Variants in MSRA observed in about 807,000 individuals in gnomAD.
MSRA encodes the protein methionine sulfoxide reductase A, also known as mitochondrial peptide methionine sulfoxide reductase.
Under a neutral mutation model 31.3 loss-of-function variants are expected in MSRA, and 54 were observed. That is an observed-to-expected ratio of 1.73 (90% CI 1.39 to 2.17). The LOEUF (loss-of-function observed/expected upper bound fraction) is 2.17. Ranked by LOEUF, MSRA falls within the 30% of genes most tolerant of loss-of-function variation. The pLI is 0.00. For synonymous variants in MSRA, 169 were observed against 116.5 expected (o/e 1.45, Z -2.90); for missense variants, 507 against 300.9 (o/e 1.69, Z -5.07).
chr8:10,111,798 A>T (rs1045827715), intron 1 of MSRA, among the ~76,000 whole-genome samples: 1 of 152,146 alleles, frequency 6.6e-6, no homozygotes, highest in Non-Finnish European at 1.5e-5. Context: ...GTAGCATGCT[A>T]TGTGCTGTGA....
At chr8:10,228,821 T>C (rs1015543894) in intron 2 of MSRA, among the ~76,000 whole-genome samples, 2 of 152,176 alleles carry the variant, frequency 1.3e-5, no homozygotes, top group Non-Finnish European at 2.9e-5. Context: ...TATACAGATA[T>C]CAGTGTGTGG....
At chr8:10,352,056 G>T (rs542722900) in intron 5 of MSRA, among the ~76,000 whole-genome samples, 1 of 152,232 alleles carries the variant, frequency 6.6e-6, no homozygotes, top group Non-Finnish European at 1.5e-5. Context: ...AAATATGGGA[G>T]TTTGGAGAAG....
At chr8:10,384,577 G>C (rs968650686) in intron 5 of MSRA, among the ~76,000 whole-genome samples, 11 of 152,238 alleles carry the variant, frequency 7.2e-5, no homozygotes, top group African/African-American at 2.7e-4. Context: ...CTGACACTGA[G>C]CTGGTCTCAA....
intron 3 of MSRA, among the ~76,000 whole-genome samples, chr8:10,291,506 G>A (rs1800235611): frequency 2.0e-5 from 3 of 151,640 alleles, no homozygotes; most frequent in African/African-American, 7.3e-5. Flanking sequence ...TGATGTATTA[G>A]GATTTTTTTT....
chr8:10,405,505 A>AT (rs200812206), intron 5 of MSRA, among the ~76,000 whole-genome samples: 156 of 151,692 alleles, frequency 1.0e-3, no homozygotes, highest in African/African-American at 3.0e-3. Flanking sequence ...CATGCCCGGC[A>AT]TTTTTTTTTC....
chr8:10,407,605 G>A (rs1432127876), intron 5 of MSRA, among the ~76,000 whole-genome samples: 1 of 152,196 alleles, frequency 6.6e-6, no homozygotes, highest in Non-Finnish European at 1.5e-5. Context: ...CTTTGGGAAA[G>A]GAAGGAGAAT....
intron 3 of MSRA, among the ~76,000 whole-genome samples, chr8:10,259,084 G>T (rs1010195571): frequency 4.0e-5 from 6 of 150,532 alleles, no homozygotes; most frequent in African/African-American, 1.5e-4. Context: ...TCCAGCTTGG[G>T]TGACAGAGAC....
chr8:10,133,595 G>C (rs1802055292), intron 1 of MSRA, among the ~76,000 whole-genome samples: 1 of 152,172 alleles, frequency 6.6e-6, no homozygotes, highest in Non-Finnish European at 1.5e-5. Context: ...AACCTGTCCA[G>C]ACCTGAGTTT....
At chr8:10,428,012 G>T (rs1432572461) in intron 5 of MSRA, 136 bp from the exon 6 acceptor site, 7 of 844,152 alleles carry the variant, frequency 8.3e-6, no homozygotes, top group Non-Finnish European at 1.2e-5. Context: ...AATGCGGAGA[G>T]CCCGGCCTAA....
At chr8:10,296,490 C>T (rs139884696) in intron 3 of MSRA, among the ~76,000 whole-genome samples, 44 of 152,326 alleles carry the variant, frequency 2.9e-4, no homozygotes, top group African/African-American at 1.0e-3. Context: ...CACCCGGGAT[C>T]ACAGTCAAAA....
chr8:10,220,228 T>C (rs1306561793), intron 2 of MSRA, among the ~76,000 whole-genome samples: 2 of 152,222 alleles, frequency 1.3e-5, no homozygotes, highest in Admixed American at 6.5e-5. Context: ...CAAAGAATTA[T>C]ATTTGACCAA....
intron 4 of MSRA, among the ~76,000 whole-genome samples, chr8:10,311,905 A>G (rs78216691): frequency 0.026 from 3,910 of 152,340 alleles, 107 homozygotes; most frequent in Admixed American, 0.078. Flanking sequence ...CAACAGAGCA[A>G]GAGCTTGCCT....
intron 5 of MSRA, among the ~76,000 whole-genome samples, chr8:10,358,043 C>T (rs1384650720): frequency 1.3e-5 from 2 of 152,216 alleles, no homozygotes; most frequent in Non-Finnish European, 2.9e-5. Context: ...TTGCCTCAGT[C>T]TCCTGAGTAG....
At chr8:10,062,609 T>C (rs963487453) in intron 1 of MSRA, among the ~76,000 whole-genome samples, 13 of 152,218 alleles carry the variant, frequency 8.5e-5, no homozygotes, top group African/African-American at 1.9e-4. Flanking sequence ...ACGCATGTTA[T>C]GTATTATGGC....
chr8:10,180,663 C>A (rs889587095), intron 1 of MSRA, among the ~76,000 whole-genome samples: 1 of 152,176 alleles, frequency 6.6e-6, no homozygotes, highest in African/African-American at 2.4e-5. Flanking sequence ...GTTTTAGGAG[C>A]GCTGTACCAG....
intron 1 of MSRA, among the ~76,000 whole-genome samples, chr8:10,193,587 C>G (rs754577364): frequency 2.6e-5 from 4 of 152,156 alleles, no homozygotes; most frequent in Non-Finnish European, 5.9e-5. Context: ...GTTTAAAGAG[C>G]CACTACCATC....
At chr8:10,421,161 G>T (rs1165994715) in intron 5 of MSRA, among the ~76,000 whole-genome samples, 1 of 152,156 alleles carries the variant, frequency 6.6e-6, no homozygotes, top group African/African-American at 2.4e-5. Flanking sequence ...GGCTCCTGGG[G>T]CAGGGCGGCA....
intron 1 of MSRA, among the ~76,000 whole-genome samples, chr8:10,057,850 CCT>C (rs1406667653): frequency 6.6e-6 from 1 of 152,224 alleles, no homozygotes; most frequent in African/African-American, 2.4e-5. Flanking sequence ...GCTAATTAAA[CCT>C]CTCTTCTTTA....
intron 3 of MSRA, among the ~76,000 whole-genome samples, chr8:10,254,321 C>T (rs549123508): frequency 6.6e-6 from 1 of 152,300 alleles, no homozygotes; most frequent in South Asian, 2.1e-4. Flanking sequence ...GACGTTTCCT[C>T]TTCCTCCTGC....
Sources: allele counts gnomAD v4.1 joint callset (sites outside exome capture counted in the v4.1 genomes callset), GRCh38; gene constraint gnomAD v4.1.1; transcripts MANE v1.5; gene names NCBI Gene and HGNC (gene_info 2026-07-23, HGNC 2026-07-21).